The following FUT8 variants were observed in gnomAD, a reference collection of about 807,000 sequenced individuals.
The protein encoded by FUT8 is alpha-(1,6)-fucosyltransferase.
In FUT8, 29 loss-of-function variants were observed where a neutral mutation model predicts 71.3. The ratio of observed to expected loss-of-function variants is 0.41; its 90% CI spans 0.30 to 0.55. FUT8 has a LOEUF of 0.55. FUT8 is among the 20% of genes least tolerant of loss of function. The pLI is 0.34. For missense variants in FUT8, 544 were observed against 702.1 expected, an observed-to-expected ratio of 0.77 and a Z score of 2.55; for synonymous variants, 254 against 239.3, an observed-to-expected ratio of 1.06 and a Z score of -0.57.
chr14:65,643,584 G>A lies in FUT8; in HGVS notation c.597+13978G>A, dbSNP rs1890948316. On this transcript the variant is annotated intron_variant, in intron 6 of 10. Transcript: ENST00000673929. The surrounding 1 kb of genome is among the most constrained non-coding windows in gnomAD (Gnocchi z 4.5). ...CAGGAGAATGGCGTGAACCTGGGAG[G>A]CGGAGCTTGCAGTGAGCAGAGATCA... Among the ~76,000 whole-genome samples the A allele has an allele frequency of 6.6e-6, 1 of 151,812 alleles. No homozygotes were observed. The highest frequency in any genetic ancestry group is 6.6e-5 in the Admixed American group (1 of 15,240).
At chr14:65,634,561 TAAAA>T (rs35052434) in intron 6 of FUT8, among the ~76,000 whole-genome samples, 3 of 124,018 alleles carry the variant, frequency 2.4e-5, no homozygotes, top group Non-Finnish European at 3.3e-5. Flanking sequence ...AATGATCAAT[TAAAA>T]AAAAAAAAAA....
At chr14:65,412,296 C>T, upstream of FUT8, 1 of 456,716 alleles carries the variant, frequency 2.2e-6, no homozygotes, top group South Asian at 1.5e-5. Context: ...GCGCGCACCC[C>T]TAAAAGTAGC....
intron 1 of FUT8, among the ~76,000 whole-genome samples, chr14:65,452,117 T>C (rs752611479): frequency 2.0e-5 from 3 of 152,228 alleles, no homozygotes; most frequent in Non-Finnish European, 2.9e-5. Flanking sequence ...ATGAGTTCCT[T>C]CTCATTCTTA....
chr14:65,463,442 A>AT (rs71126749), intron 2 of FUT8, among the ~76,000 whole-genome samples: 4,767 of 151,806 alleles, frequency 0.031, 95 homozygotes, highest in Middle Eastern at 0.054. Context: ...AATTTTTTGC[A>AT]TTTTTTGTAG....
At chr14:65,595,596 C>T (rs924963183) in intron 3 of FUT8, among the ~76,000 whole-genome samples, 1 of 142,978 alleles carries the variant, frequency 7.0e-6, no homozygotes, top group African/African-American at 2.5e-5. Flanking sequence ...TCTTCTACAC[C>T]ATTCTCTTTT....
chr14:65,654,605 C>G (rs922884730), intron 6 of FUT8, among the ~76,000 whole-genome samples: 2 of 150,140 alleles, frequency 1.3e-5, no homozygotes, highest in Non-Finnish European at 3.0e-5. Flanking sequence ...AAAAAAAAAG[C>G]TCTATAAAAA....
At chr14:65,401,540 C>T in the FUT8 span, among the ~76,000 whole-genome samples, 14 of 151,914 alleles carry the variant, frequency 9.2e-5, no homozygotes, top group Non-Finnish European at 1.3e-4. Flanking sequence ...GTATCTATGC[C>T]GTAAGGAAGA....
chr14:65,706,999 G>A (rs1327072201), intron 7 of FUT8, among the ~76,000 whole-genome samples: 7 of 152,112 alleles, frequency 4.6e-5, no homozygotes, highest in African/African-American at 2.4e-5. Context: ...GGTTGGTATG[G>A]TGTATTCTTT....
At chr14:65,368,830 G>A in the FUT8 span, among the ~76,000 whole-genome samples, 17 of 151,900 alleles carry the variant, frequency 1.1e-4, no homozygotes, top group Admixed American at 6.6e-5. Context: ...CCTATTTTTT[G>A]TATTTTTATT....
chr14:65,611,303 C>A (rs8007911), intron 3 of FUT8, among the ~76,000 whole-genome samples: 7,657 of 41,248 alleles, frequency 0.19, 1,609 homozygotes, highest in South Asian at 0.27. Flanking sequence ...ACACACACAC[C>A]CCCCAAGTAA....
intron 1 of FUT8, among the ~76,000 whole-genome samples, chr14:65,435,838 T>A (rs73282301): frequency 0.014 from 2,103 of 151,594 alleles, 63 homozygotes; most frequent in African/African-American, 0.049. Context: ...GGTGTATAGT[T>A]GTATATCATG....
the FUT8 span, among the ~76,000 whole-genome samples, chr14:65,404,275 G>C: frequency 6.6e-6 from 1 of 151,656 alleles, no homozygotes; most frequent in African/African-American, 2.4e-5. Flanking sequence ...GAGTTCAAAT[G>C]ATTCTCCTGT....
intron 2 of FUT8, among the ~76,000 whole-genome samples, chr14:65,536,323 G>T (rs1001807559): frequency 1.3e-5 from 2 of 152,088 alleles, no homozygotes; most frequent in Non-Finnish European, 2.9e-5. Flanking sequence ...ATACCTACTT[G>T]TTTGTGTGGT....
chr14:65,560,163 TCTC>T (rs1885832254), intron 2 of FUT8, among the ~76,000 whole-genome samples: 2 of 152,098 alleles, frequency 1.3e-5, no homozygotes, highest in African/African-American at 4.8e-5. Context: ...TGAAGCCTCT[TCTC>T]CATCTTTTCT....
intron 5 of FUT8, among the ~76,000 whole-genome samples, chr14:65,618,264 C>T (rs1889412276): frequency 1.3e-5 from 2 of 151,396 alleles, no homozygotes; most frequent in African/African-American, 2.4e-5. Context: ...TTATATAACT[C>T]GCATATGTTT....
chr14:65,392,189 C>A, the FUT8 span, among the ~76,000 whole-genome samples: 1 of 152,114 alleles, frequency 6.6e-6, no homozygotes, highest in Non-Finnish European at 1.5e-5. Context: ...GCCTCGGCCT[C>A]CCAAAGTGCT....
intron 6 of FUT8, among the ~76,000 whole-genome samples, chr14:65,666,445 A>C (rs1159123330): frequency 2.6e-5 from 4 of 152,192 alleles, no homozygotes. Context: ...AAAAAGATAA[A>C]TTCCTGGAAA....
At chr14:65,653,474 G>A (rs760204700) in intron 6 of FUT8, among the ~76,000 whole-genome samples, 6 of 152,084 alleles carry the variant, frequency 3.9e-5, no homozygotes, top group Admixed American at 3.9e-4. Context: ...AGAAGTGACA[G>A]AAAACTTCTT....
chr14:65,581,622 C>T (rs1347116644), intron 3 of FUT8, among the ~76,000 whole-genome samples: 1 of 152,010 alleles, frequency 6.6e-6, no homozygotes, highest in Non-Finnish European at 1.5e-5. Flanking sequence ...ATGTTTGTGT[C>T]AAAGGATATA....
Sources: allele counts gnomAD v4.1 joint callset (sites outside exome capture counted in the v4.1 genomes callset), GRCh38; gene constraint gnomAD v4.1.1; non-coding constraint Gnocchi (gnomAD v3.1); transcripts MANE v1.5; gene names NCBI Gene and HGNC (gene_info 2026-07-23, HGNC 2026-07-21).